Variants in PALLD observed in about 807,000 individuals in gnomAD.
The protein encoded by PALLD is palladin.
In PALLD, 61 loss-of-function variants were observed where a neutral mutation model predicts 123.5. The observed-to-expected ratio is 0.49, with a 90% confidence interval of 0.40 to 0.61. The LOEUF is 0.61. Among genes scored for constraint, PALLD ranks in the 20% least tolerant of loss-of-function variants. The probability of loss-of-function intolerance (pLI) is 0.00; values close to 1 mark genes in which losing one functional copy is unlikely to be tolerated. For synonymous variants in PALLD, 465 were observed against 496.4 expected, an observed-to-expected ratio of 0.94 and a Z score of 0.84; for missense variants, 1,273 against 1,377.0, an observed-to-expected ratio of 0.92 and a Z score of 1.20.
At chr4:168,835,625 G>C (rs1745050120) in intron 10 of PALLD, among the ~76,000 whole-genome samples, 1 of 135,054 alleles carries the variant, frequency 7.4e-6, no homozygotes, top group South Asian at 2.4e-4. Context: ...GGGAAGCTCT[G>C]TTATCAAATT....
At chr4:168,827,348 C>T (rs192734214) in intron 10 of PALLD, among the ~76,000 whole-genome samples, 21 of 152,292 alleles carry the variant, frequency 1.4e-4, no homozygotes, top group African/African-American at 4.3e-4. Flanking sequence ...CTTTAGAATA[C>T]CCACATTTTG....
intron 15 of PALLD, among the ~76,000 whole-genome samples, chr4:168,909,650 T>G (rs1758496063): frequency 6.6e-6 from 1 of 152,140 alleles, no homozygotes; most frequent in South Asian, 2.1e-4. Flanking sequence ...CAGATAGAAA[T>G]GAGAAAATTA....
chr4:168,718,708 A>G (rs1785621961), intron 10 of PALLD, among the ~76,000 whole-genome samples: 1 of 152,194 alleles, frequency 6.6e-6, no homozygotes, highest in Non-Finnish European at 1.5e-5. Flanking sequence ...ATATACGTAT[A>G]TATAAAATGT....
chr4:168,814,674 G>A (rs1432488149), intron 10 of PALLD, among the ~76,000 whole-genome samples: 1 of 152,164 alleles, frequency 6.6e-6, no homozygotes, highest in Non-Finnish European at 1.5e-5. Context: ...TGAAGACACT[G>A]GGCTGAAAGT....
intron 2 of PALLD, among the ~76,000 whole-genome samples, chr4:168,565,838 T>C (rs1768317734): frequency 6.6e-6 from 1 of 152,244 alleles, no homozygotes; most frequent in African/African-American, 2.4e-5. Flanking sequence ...GCTGATTCCT[T>C]GTCATATTTT....
intron 3 of PALLD, among the ~76,000 whole-genome samples, chr4:168,677,726 A>T (rs993941176): frequency 1.3e-5 from 2 of 151,820 alleles, no homozygotes; most frequent in African/African-American, 4.8e-5. Context: ...AGGGTTTCTC[A>T]GCTCCCTGCA....
chr4:168,801,514 G>A (rs1194473806), intron 10 of PALLD, among the ~76,000 whole-genome samples: 2 of 152,148 alleles, frequency 1.3e-5, no homozygotes, highest in African/African-American at 2.4e-5. Flanking sequence ...TCCTGACCTC[G>A]TGATCTGCCC....
rs139652463 is a variant in PALLD, at chr4:168,898,961, C to T, written c.2472+247C>T. Among the ~76,000 whole-genome samples, 740 of 152,250 alleles carry T rather than the reference C, an allele frequency of 4.9e-3. 6 individuals carry two copies. Among genetic ancestry groups the T allele is most frequent in the Admixed American group, 5.5e-3 (84 of 15,296 alleles). On this transcript the variant is annotated intron_variant, in intron 14 of 21. Transcript: ENST00000505667. ...TAACTAACAGGGAGCTCTTCACACA[C>T]CTATATCATTTATTCCTCGTTGTTA...
chr4:168,785,844 G>GATATATATATATAT (rs1230880749), intron 10 of PALLD, among the ~76,000 whole-genome samples: 84 of 53,184 alleles, frequency 1.6e-3, no homozygotes, highest in African/African-American at 2.8e-3. Context: ...ATAAACTGTA[G>GATATATATATATAT]AGATATATAT....
chr4:168,873,827 T>G (rs988595239), intron 10 of PALLD, among the ~76,000 whole-genome samples: 1 of 152,140 alleles, frequency 6.6e-6, no homozygotes, highest in Non-Finnish European at 1.5e-5. Context: ...AGGGTTGGTG[T>G]GTGTCTCCAG....
chr4:168,840,571 C>T (rs966976302), intron 10 of PALLD, among the ~76,000 whole-genome samples: 16 of 152,210 alleles, frequency 1.1e-4, no homozygotes, highest in African/African-American at 3.9e-4. Context: ...AGGTGTGAAG[C>T]TGCCAGACCT....
At chr4:168,510,941 G>C (rs1762474275) in intron 1 of PALLD, among the ~76,000 whole-genome samples, 1 of 152,136 alleles carries the variant, frequency 6.6e-6, no homozygotes, top group Non-Finnish European at 1.5e-5. Flanking sequence ...ACTGTTGAGT[G>C]AATGAATATG....
At chr4:168,675,365 G>A (rs1159045189) in intron 3 of PALLD, among the ~76,000 whole-genome samples, 1 of 152,178 alleles carries the variant, frequency 6.6e-6, no homozygotes, top group Non-Finnish European at 1.5e-5. Flanking sequence ...GATAAAATGT[G>A]TGCCCCTTTG....
chr4:168,651,627 CCT>C (rs1293522155), intron 2 of PALLD, among the ~76,000 whole-genome samples: 2 of 151,928 alleles, frequency 1.3e-5, no homozygotes, highest in Non-Finnish European at 2.9e-5. Context: ...GGCCAGAAAA[CCT>C]CTAATCCCAG....
chr4:168,685,272 TA>T, intron 5 of PALLD, among the ~76,000 whole-genome samples: 4 of 152,220 alleles, frequency 2.6e-5, no homozygotes, highest in Non-Finnish European at 5.9e-5. Flanking sequence ...TTACCTTGAA[TA>T]TCCTTTTGAA....
intron 10 of PALLD, among the ~76,000 whole-genome samples, chr4:168,794,261 T>C (rs1268470970): frequency 6.6e-6 from 1 of 152,136 alleles, no homozygotes; most frequent in African/African-American, 2.4e-5. Context: ...TGGCCTGTCC[T>C]CGGGCAGTGA....
chr4:168,509,666 G>A (rs1217816969), intron 1 of PALLD, among the ~76,000 whole-genome samples: 1 of 152,200 alleles, frequency 6.6e-6, no homozygotes, highest in Non-Finnish European at 1.5e-5. Context: ...ACTTGAAGAA[G>A]AGTGCGAAAT....
intron 10 of PALLD, among the ~76,000 whole-genome samples, chr4:168,758,610 A>C (rs1028094360): frequency 6.6e-6 from 1 of 152,174 alleles, no homozygotes; most frequent in Non-Finnish European, 1.5e-5. Context: ...GTCTGCTTGG[A>C]AACAGTCTGA....
At chr4:168,875,726 C>T (rs1332253151) in intron 10 of PALLD, among the ~76,000 whole-genome samples, 2 of 152,236 alleles carry the variant, frequency 1.3e-5, no homozygotes, top group Non-Finnish European at 2.9e-5. Flanking sequence ...TTTAAGCCCA[C>T]TTGGGTTAGC....
Sources: gnomAD v4.1 joint callset for allele counts (sites outside exome capture counted in the v4.1 genomes callset) on GRCh38, gnomAD v4.1.1 for gene constraint, MANE v1.5 for transcripts, NCBI Gene and HGNC (gene_info 2026-07-23, HGNC 2026-07-21) for gene names.